Variants in OPCML observed in about 807,000 individuals in gnomAD.
The protein encoded by OPCML is opioid-binding protein/cell adhesion molecule.
Under a neutral mutation model 37.8 loss-of-function variants are expected in OPCML, and 13 were observed. The observed-to-expected ratio is 0.34, with a 90% CI of 0.22 to 0.55. The LOEUF is 0.55. Ranked by LOEUF, OPCML falls within the 20% of genes least tolerant of loss-of-function variation. OPCML has a pLI of 0.91. For missense variants in OPCML, 341 were observed against 435.6 expected, an observed-to-expected ratio of 0.78 and a Z score of 1.93; for synonymous variants, 176 against 168.8, an observed-to-expected ratio of 1.04 and a Z score of -0.33.
intron 1 of OPCML, among the ~76,000 whole-genome samples, chr11:133,171,963 G>T (rs932014582): frequency 6.6e-6 from 1 of 152,150 alleles, no homozygotes; most frequent in Non-Finnish European, 1.5e-5. Flanking sequence ...TTTAATGCTG[G>T]TCTGTTCCTT....
At chr11:133,040,041 A>T (rs1370506457) in intron 1 of OPCML, among the ~76,000 whole-genome samples, 1 of 151,546 alleles carries the variant, frequency 6.6e-6, no homozygotes, top group East Asian at 1.9e-4. Context: ...AAAAAAAAAG[A>T]TGGGGGATGG....
intron 1 of OPCML, among the ~76,000 whole-genome samples, chr11:133,034,092 C>T (rs1947723476): frequency 6.6e-6 from 1 of 152,128 alleles, no homozygotes; most frequent in Middle Eastern, 3.2e-3. Context: ...GCTTGCCAAC[C>T]ATGCTTTCAG....
intron 1 of OPCML, among the ~76,000 whole-genome samples, chr11:133,293,254 A>G (rs2136543740): frequency 6.6e-6 from 1 of 152,132 alleles, no homozygotes; most frequent in South Asian, 2.1e-4. Context: ...CCCATTTTCA[A>G]CCTTTATTTT....
At chr11:132,698,052 T>G (rs903651566) in intron 2 of OPCML, among the ~76,000 whole-genome samples, 8 of 150,676 alleles carry the variant, frequency 5.3e-5, no homozygotes, top group Non-Finnish European at 7.4e-5. Context: ...CTCTTCTTGT[T>G]GCCCTGGGCC....
intron 1 of OPCML, among the ~76,000 whole-genome samples, chr11:133,141,104 A>AAGAAGAAGAAGCAGC (rs1565469412): frequency 7.4e-6 from 1 of 135,184 alleles, no homozygotes; most frequent in African/African-American, 2.7e-5. Flanking sequence ...GGAGAAGAAG[A>AAGAAGAAGAAGCAGC]AGCAGCTGAA....
At chr11:132,524,807 C>G (rs2096303777) in intron 4 of OPCML, among the ~76,000 whole-genome samples, 1 of 152,152 alleles carries the variant, frequency 6.6e-6, no homozygotes, top group African/African-American at 2.4e-5. Flanking sequence ...TTGGGATCCA[C>G]CTTTGGAAAC....
chr11:132,836,982 C>T (rs1016920225), intron 2 of OPCML, among the ~76,000 whole-genome samples: 27 of 152,148 alleles, frequency 1.8e-4, no homozygotes, highest in African/African-American at 6.0e-4. Context: ...AGGGAAAGTG[C>T]GTGAGACCAA....
intron 7 of OPCML, among the ~76,000 whole-genome samples, chr11:132,420,976 T>C (rs1161156697): frequency 7.8e-6 from 1 of 127,782 alleles, no homozygotes; most frequent in Non-Finnish European, 1.6e-5. Flanking sequence ...CCCTTGATTT[T>C]TTTCTAGCTT....
At chr11:133,069,661 A>G (rs1948494079) in intron 1 of OPCML, among the ~76,000 whole-genome samples, 1 of 152,218 alleles carries the variant, frequency 6.6e-6, no homozygotes, top group African/African-American at 2.4e-5. Context: ...GTGTGTGCAC[A>G]AGTTTCCAAA....
At chr11:132,523,700 G>C (rs2096300375) in intron 4 of OPCML, among the ~76,000 whole-genome samples, 1 of 152,140 alleles carries the variant, frequency 6.6e-6, no homozygotes. Flanking sequence ...CAAATGCCAA[G>C]ATACAATCGA....
chr11:133,337,014 T>C (rs1314237799), intron 1 of OPCML, among the ~76,000 whole-genome samples: 3 of 152,174 alleles, frequency 2.0e-5, no homozygotes, highest in African/African-American at 7.2e-5. Flanking sequence ...CAAATGAATA[T>C]AAAATGCAGA....
chr11:133,208,781 G>T lies in OPCML; in HGVS notation c.62-265771C>A, dbSNP rs1488650499. 6.6e-6 allele frequency among the ~76,000 whole-genome samples: 1 copy of T among 152,116 alleles called. No individual in the cohort carries two copies. Among genetic ancestry groups the T allele is most frequent in the Admixed American group, 6.5e-5 (1 of 15,274 alleles). On this transcript the variant is annotated intron_variant, in intron 1 of 7. Transcript: ENST00000524381. The surrounding 1 kb of genome is among the most constrained non-coding windows in gnomAD (Gnocchi z 8.9). ...GCAATGGCCCTTCTCTAGGACCAAA[G>T]GGATACACCAAGTGCTGGAGTGAAG...
chr11:133,461,083 A>C (rs1003705799), intron 1 of OPCML, among the ~76,000 whole-genome samples: 9 of 151,916 alleles, frequency 5.9e-5, no homozygotes, highest in African/African-American at 2.2e-4. Context: ...AATCTAACTC[A>C]GTAAGAGCCA....
At chr11:132,431,767 A>T (rs918316998) in intron 7 of OPCML, among the ~76,000 whole-genome samples, 54 of 152,172 alleles carry the variant, frequency 3.5e-4, no homozygotes, top group African/African-American at 1.3e-3. Flanking sequence ...AGTGTGAGAG[A>T]GGCACGCTGT....
intron 1 of OPCML, among the ~76,000 whole-genome samples, chr11:133,038,837 A>AC (rs1327625639): frequency 6.6e-6 from 1 of 151,506 alleles, no homozygotes; most frequent in Non-Finnish European, 1.5e-5. Flanking sequence ...AAAAAAAAAA[A>AC]AACCCTGCTG....
chr11:132,676,316 T>C (rs570597158), intron 2 of OPCML, among the ~76,000 whole-genome samples: 16 of 152,182 alleles, frequency 1.1e-4, no homozygotes, highest in Middle Eastern at 3.4e-3. Flanking sequence ...ACCCTAAAGG[T>C]AAAAGTTACA....
At chr11:132,499,037 G>T (rs1592270321) in intron 4 of OPCML, among the ~76,000 whole-genome samples, 1 of 152,344 alleles carries the variant, frequency 6.6e-6, no homozygotes, top group East Asian at 1.9e-4. Context: ...TCAGAATTCT[G>T]TGAGTGTGCT....
chr11:133,447,834 A>G (rs1946502989), intron 1 of OPCML, among the ~76,000 whole-genome samples: 1 of 152,236 alleles, frequency 6.6e-6, no homozygotes, highest in Admixed American at 6.5e-5. Flanking sequence ...ATGAACATAC[A>G]ATGCAAGTAT....
chr11:132,932,117 A>G (rs1357595097), intron 2 of OPCML, among the ~76,000 whole-genome samples: 1 of 152,210 alleles, frequency 6.6e-6, no homozygotes, highest in East Asian at 1.9e-4. Flanking sequence ...AATAGTAATA[A>G]TAGTAATAGA....
Sources: gnomAD v4.1 joint callset for allele counts (sites outside exome capture counted in the v4.1 genomes callset) on GRCh38, gnomAD v4.1.1 for gene constraint, Gnocchi (gnomAD v3.1) non-coding constraint, MANE v1.5 for transcripts, NCBI Gene and HGNC (gene_info 2026-07-23, HGNC 2026-07-21) for gene names.